The following SEZ6L variants were observed in gnomAD, a reference collection of about 807,000 sequenced individuals.
SEZ6L encodes seizure 6-like protein.
In SEZ6L, 37 loss-of-function variants were observed where a neutral mutation model predicts 106.2. That is an observed-to-expected ratio of 0.35 (90% CI 0.27 to 0.46). The LOEUF is 0.46. Among genes scored for constraint, SEZ6L ranks in the 20% least tolerant of loss-of-function variants. The pLI is 1.00. For synonymous variants in SEZ6L, 541 were observed against 570.4 expected (o/e 0.95, Z 0.73); for missense variants, 1,172 against 1,332.8 (o/e 0.88, Z 1.88).
At chr22:26,355,686 C>A (rs1026192075) in intron 12 of SEZ6L, among the ~76,000 whole-genome samples, 2 of 152,174 alleles carry the variant, frequency 1.3e-5, no homozygotes, top group South Asian at 2.1e-4. Context: ...GCAGAGATCA[C>A]GCCACTGCAC....
chr22:26,314,924 T>C (rs551800571), intron 9 of SEZ6L, among the ~76,000 whole-genome samples: 1 of 152,306 alleles, frequency 6.6e-6, no homozygotes, highest in East Asian at 1.9e-4. Context: ...TCAGTCATGC[T>C]CTTTCCACTG....
At chr22:26,261,059 A>G (rs768566013) in intron 1 of SEZ6L, among the ~76,000 whole-genome samples, 6 of 151,356 alleles carry the variant, frequency 4.0e-5, no homozygotes, top group African/African-American at 7.3e-5. Context: ...TCATGTCCTT[A>G]GCCCACTTTT....
At chr22:26,225,729 G>T (rs920603004) in intron 1 of SEZ6L, among the ~76,000 whole-genome samples, 1 of 152,186 alleles carries the variant, frequency 6.6e-6, no homozygotes, top group African/African-American at 2.4e-5. Context: ...TTAAGCAGCT[G>T]CATTTAGGAA....
At position 26,202,228 on chromosome 22, in the gene SEZ6L, T is replaced by A. The variant is rs181904265; in HGVS notation, c.94+32465T>A. Among the ~76,000 whole-genome samples, 7 of 152,282 alleles carry A rather than the reference T, an allele frequency of 4.6e-5. No individual in the cohort carries two copies. In the East Asian group the frequency reaches 1.2e-3, roughly 25 times the overall value. On this transcript the variant is annotated intron_variant, in intron 1 of 16. Transcript: ENST00000248933. ...TGCGCCCGGCCAAGTCAGATTTTTTTATTCTCTCTCATGCCTGCATCTATC... is the reference window on the plus strand; with the variant it reads ...TGCGCCCGGCCAAGTCAGATTTTTTAATTCTCTCTCATGCCTGCATCTATC...
intron 1 of SEZ6L, among the ~76,000 whole-genome samples, chr22:26,282,982 G>A (rs1028372741): frequency 1.3e-5 from 2 of 152,086 alleles, no homozygotes; most frequent in Admixed American, 6.5e-5. Flanking sequence ...GTACAGTGGC[G>A]CGATTTTGGC....
At chr22:26,354,544 C>T (rs1203251844) in intron 12 of SEZ6L, among the ~76,000 whole-genome samples, 1 of 152,182 alleles carries the variant, frequency 6.6e-6, no homozygotes, top group Non-Finnish European at 1.5e-5. Context: ...AGTGTCATTC[C>T]CATTTCCTTC....
chr22:26,296,792 C>G, intron 3 of SEZ6L, 96 bp from the exon 4 acceptor site: 14 of 1,118,552 alleles, frequency 1.3e-5, no homozygotes, highest in Non-Finnish European at 1.7e-5. Context: ...GCTAGCAGTA[C>G]CTGGGCCACT....
chr22:26,262,175 A>G (rs1462931910), intron 1 of SEZ6L, among the ~76,000 whole-genome samples: 1 of 149,764 alleles, frequency 6.7e-6, no homozygotes, highest in Non-Finnish European at 1.5e-5. Flanking sequence ...ATATTGATAT[A>G]CAAACAAATA....
chr22:26,203,930 T>C (rs1048951495), intron 1 of SEZ6L, among the ~76,000 whole-genome samples: 1 of 152,156 alleles, frequency 6.6e-6, no homozygotes, highest in Non-Finnish European at 1.5e-5. Context: ...TTTCTGGTAA[T>C]TTGCCCTACA....
At chr22:26,254,947 A>G (rs1001106516) in intron 1 of SEZ6L, among the ~76,000 whole-genome samples, 1 of 152,142 alleles carries the variant, frequency 6.6e-6, no homozygotes, top group Non-Finnish European at 1.5e-5. Context: ...TCAGAATTCT[A>G]TCACCTGGTC....
intron 1 of SEZ6L, among the ~76,000 whole-genome samples, chr22:26,202,596 T>C (rs1347261488): frequency 6.6e-6 from 1 of 152,194 alleles, no homozygotes; most frequent in African/African-American, 2.4e-5. Flanking sequence ...GTGACAGGGG[T>C]TAACTCTGAT....
chr22:26,239,932 C>T (rs2079063708), intron 1 of SEZ6L, among the ~76,000 whole-genome samples: 1 of 151,970 alleles, frequency 6.6e-6, no homozygotes. Context: ...CCTCCACCCG[C>T]ACCTTCACCT....
At chr22:26,263,419 A>G (rs1451266326) in intron 1 of SEZ6L, among the ~76,000 whole-genome samples, 1 of 152,246 alleles carries the variant, frequency 6.6e-6, no homozygotes, top group African/African-American at 2.4e-5. Context: ...TGGATGAGAC[A>G]TCAAGACTCA....
chr22:26,284,604 C>CAAAAA lies in SEZ6L; in HGVS notation c.95-7778_95-7774dup, dbSNP rs137198. On this transcript the variant is annotated intron_variant, in intron 1 of 16. Transcript: ENST00000248933. ...CAGCCTTGATGACAGATCAGGACTC[C>CAAAAA]AAAAAAAAAAAAAAAAAAAAAAAAA... 2.1e-3 allele frequency among the ~76,000 whole-genome samples: 134 copies of CAAAAA among 64,018 alleles called. 3 individuals carry two copies. The highest frequency in any genetic ancestry group is 5.0e-3 in the African/African-American group (110 of 22,158). 42.0% of individuals were successfully genotyped at this position (64,018 alleles called of 152,430 possible).
At chr22:26,204,250 A>C (rs1941163651) in intron 1 of SEZ6L, among the ~76,000 whole-genome samples, 2 of 152,222 alleles carry the variant, frequency 1.3e-5, no homozygotes, top group African/African-American at 4.8e-5. Flanking sequence ...TGGGACTCTT[A>C]ATCCATATGG....
intron 1 of SEZ6L, among the ~76,000 whole-genome samples, chr22:26,200,258 G>A (rs572185004): frequency 7.9e-5 from 12 of 152,272 alleles, no homozygotes; most frequent in Admixed American, 5.2e-4. Flanking sequence ...GCGTGTATGT[G>A]TTTGCATGTA....
chr22:26,236,661 G>T (rs2078966771), intron 1 of SEZ6L, among the ~76,000 whole-genome samples: 1 of 152,196 alleles, frequency 6.6e-6, no homozygotes, highest in African/African-American at 2.4e-5. Context: ...GTGATGGGCA[G>T]GGAGAGGAGG....
intron 13 of SEZ6L, among the ~76,000 whole-genome samples, chr22:26,367,490 C>A (rs2083859228): frequency 6.6e-6 from 1 of 151,980 alleles, no homozygotes; most frequent in South Asian, 2.1e-4. Context: ...ACCACAAGTG[C>A]ACGCCACCAC....
intron 1 of SEZ6L, among the ~76,000 whole-genome samples, chr22:26,265,205 G>T (rs1372886962): frequency 6.6e-6 from 1 of 152,148 alleles, no homozygotes; most frequent in Admixed American, 6.5e-5. Context: ...GCTGGGGCAA[G>T]TTTCCTTACA....
Sources: allele counts gnomAD v4.1 joint callset (sites outside exome capture counted in the v4.1 genomes callset), GRCh38; gene constraint gnomAD v4.1.1; transcripts MANE v1.5; gene names NCBI Gene and HGNC (gene_info 2026-07-23, HGNC 2026-07-21).